TG: variants seen among roughly 807,000 people sequenced by gnomAD.
TG encodes the protein thyroglobulin, also known as thyroid hormones.
In TG, 270 loss-of-function variants were observed where a neutral mutation model predicts 324.7. That is an observed-to-expected ratio of 0.83 (90% CI 0.75 to 0.92). The LOEUF is 0.92. TG is among the 40% of genes least tolerant of loss of function. The probability of loss-of-function intolerance (pLI) is 0.00; values close to 1 mark genes in which losing one functional copy is unlikely to be tolerated. For synonymous variants in TG, 1,401 were observed against 1,327.0 expected, an observed-to-expected ratio of 1.06 and a Z score of -1.21; for missense variants, 3,591 against 3,456.4, an observed-to-expected ratio of 1.04 and a Z score of -0.98.
chr8:133,066,003 C>G (rs746296677), intron 41 of TG, among the ~76,000 whole-genome samples: 1 of 151,998 alleles, frequency 6.6e-6, no homozygotes, highest in Non-Finnish European at 1.5e-5. Flanking sequence ...TTGAGGCATG[C>G]TGTGGTCAAA....
chr8:132,930,536 G>A (rs1469679362), intron 23 of TG, among the ~76,000 whole-genome samples: 2 of 152,072 alleles, frequency 1.3e-5, no homozygotes, highest in Non-Finnish European at 1.5e-5. Context: ...CAAAAAATTA[G>A]CCAGGCATGT....
intron 35 of TG, among the ~76,000 whole-genome samples, chr8:132,986,672 C>G (rs1831595990): frequency 6.6e-6 from 1 of 152,048 alleles, no homozygotes. Context: ...ATAAAAATAG[C>G]AAAGTGAACT....
At chr8:133,025,724 T>C (rs1836008751) in intron 40 of TG, among the ~76,000 whole-genome samples, 1 of 152,178 alleles carries the variant, frequency 6.6e-6, no homozygotes, top group South Asian at 2.1e-4. Flanking sequence ...GCTCCACCTC[T>C]TCATCTCTCC....
chr8:133,073,343 C>G (rs952500699), intron 41 of TG: 37 of 152,158 alleles, frequency 2.4e-4, no homozygotes, highest in African/African-American at 8.9e-4. Flanking sequence ...ATTAAGCACT[C>G]TTAAATAGAA....
intron 43 of TG, among the ~76,000 whole-genome samples, chr8:133,110,404 C>A (rs960503809): frequency 6.6e-6 from 1 of 152,142 alleles, no homozygotes; most frequent in South Asian, 2.1e-4. Context: ...GCCACTGGAA[C>A]GAACTATTAT....
intron 35 of TG, chr8:133,002,181 T>C (rs1187671104): frequency 2.0e-6 from 2 of 985,320 alleles, no homozygotes; most frequent in East Asian, 2.3e-4. Flanking sequence ...CCGCCTGTTT[T>C]TCAAATGAGG....
chr8:132,919,265 T>C, intron 20 of TG, 111 bp from the exon 21 acceptor site: 1 of 1,169,786 alleles, frequency 8.5e-7, no homozygotes, highest in African/African-American at 1.5e-5. Context: ...ATTTGTTAAA[T>C]GAATGAGCTC....
intron 46 of TG, 115 bp downstream of exon 46, chr8:133,132,061 A>G: frequency 1.3e-6 from 2 of 1,496,544 alleles, no homozygotes; most frequent in Middle Eastern, 2.3e-4. Context: ...CTCCGTAGAC[A>G]CTATAATCAC....
chr8:132,877,671 G>C (rs536611463), intron 5 of TG, among the ~76,000 whole-genome samples: 3 of 152,272 alleles, frequency 2.0e-5, no homozygotes, highest in South Asian at 4.1e-4. Context: ...TAGGTTGGCT[G>C]TAATCTGAGC....
chr8:132,907,009 G>A (rs551178966), intron 17 of TG, 109 bp downstream of exon 17: 9 of 1,176,762 alleles, frequency 7.6e-6, no homozygotes, highest in South Asian at 2.6e-5. Flanking sequence ...AATGTAGCAC[G>A]CTGGTGGTAT....
At chr8:133,094,955 C>G in intron 41 of TG, 89 bp from the exon 42 acceptor site, 2 of 1,579,440 alleles carry the variant, frequency 1.3e-6, no homozygotes, top group Non-Finnish European at 1.7e-6. Context: ...AGGAAGGATG[C>G]AGAACCCTGA....
At position 132,886,776 on chromosome 8, in the gene TG, G is replaced by A; in HGVS notation, c.1404G>A (p.Gln468=). 1 of 1,614,184 alleles carries A rather than the reference G, an allele frequency of 6.2e-7. No homozygotes were observed. Among genetic ancestry groups the A allele is most frequent in the Non-Finnish European group, 8.5e-7 (1 of 1,180,040 alleles). ...TTACCACCAACCCAAAGAGACTCCA[G>A]CAAAACCTTTTTGGAGGGAAATTTT... ...LQFTTNPKRL[Q]QNLFGGKFLV... is the part of the protein sequence containing the mutation. The change falls in exon 9 of 48, where the codon CAG becomes CAA. Residue 468 remains glutamine (Q), a synonymous_variant. Coordinates refer to ENST00000220616, the MANE Select transcript of TG (RefSeq NM_003235.5).
intron 25 of TG, among the ~76,000 whole-genome samples, chr8:132,937,747 T>G (rs1206339025): frequency 7.4e-6 from 1 of 134,426 alleles, no homozygotes; most frequent in African/African-American, 2.5e-5. Flanking sequence ...CAATTGTATT[T>G]CTGTTTAAGT....
intron 39 of TG, among the ~76,000 whole-genome samples, chr8:133,020,974 G>A (rs1005780622): frequency 6.6e-6 from 1 of 152,162 alleles, no homozygotes; most frequent in Non-Finnish European, 1.5e-5. Flanking sequence ...GACCTTGGAT[G>A]GAGCACGAGT....
intron 23 of TG, among the ~76,000 whole-genome samples, chr8:132,933,352 G>A (rs111736580): frequency 6.8e-4 from 2 of 2,942 alleles, no homozygotes; most frequent in African/African-American, 1.1e-3. Context: ...GTGTGTCTTT[G>A]TGTGTTTGGA....
intron 41 of TG, among the ~76,000 whole-genome samples, chr8:133,075,841 A>G (rs773490016): frequency 6.6e-6 from 1 of 152,120 alleles, no homozygotes; most frequent in Non-Finnish European, 1.5e-5. Flanking sequence ...AAATGTTAAT[A>G]CTTGGTGAGC....
At chr8:133,113,965 C>T (rs928560238) in intron 44 of TG, among the ~76,000 whole-genome samples, 8 of 152,224 alleles carry the variant, frequency 5.3e-5, no homozygotes, top group Middle Eastern at 3.2e-3. Flanking sequence ...CAACCTTCCA[C>T]GCTCCTGGCC....
chr8:132,874,395 G>A (rs1353804910), intron 5 of TG, among the ~76,000 whole-genome samples: 2 of 152,192 alleles, frequency 1.3e-5, no homozygotes, highest in African/African-American at 4.8e-5. Context: ...GTAGCTTCTG[G>A]TCATCCACAC....
chr8:133,021,918 C>CA, intron 39 of TG, 73 bp from the exon 40 acceptor site: 1 of 1,596,704 alleles, frequency 6.3e-7, no homozygotes, highest in Non-Finnish European at 8.6e-7. Flanking sequence ...CTGTGTCAAC[C>CA]AAGAATCAGG....
Sources: gnomAD v4.1 joint callset for allele counts (sites outside exome capture counted in the v4.1 genomes callset) on GRCh38, gnomAD v4.1.1 for gene constraint, MANE v1.5 for transcripts, NCBI Gene and HGNC (gene_info 2026-07-23, HGNC 2026-07-21) for gene names.